ZNF618: variants seen among roughly 807,000 people sequenced by gnomAD.
ZNF618 encodes zinc finger protein 618.
A neutral mutation model predicts 103.0 loss-of-function variants in ZNF618; 34 were observed. That is an observed-to-expected ratio of 0.33 (90% CI 0.25 to 0.44). ZNF618 has a LOEUF of 0.44. Among genes scored for constraint, ZNF618 ranks in the 20% least tolerant of loss-of-function variants. The probability of loss-of-function intolerance (pLI) is 1.00; values close to 1 mark genes in which losing one functional copy is unlikely to be tolerated. For missense variants in ZNF618, 1,059 were observed against 1,295.4 expected (o/e 0.82, Z 2.80); for synonymous variants, 551 against 542.2 (o/e 1.02, Z -0.23).
At chr9:113,955,403 T>G (rs890757432) in intron 1 of ZNF618, among the ~76,000 whole-genome samples, 1 of 152,146 alleles carries the variant, frequency 6.6e-6, no homozygotes, top group Non-Finnish European at 1.5e-5. Flanking sequence ...TGTGCAGAAT[T>G]ACAATCTTTC....
chr9:113,988,722 A>G, intron 3 of ZNF618, 142 bp downstream of exon 3: 1 of 1,290,418 alleles, frequency 7.7e-7, no homozygotes, highest in Non-Finnish European at 1.0e-6. Context: ...TCAGGGAGAG[A>G]TCTCAGCTTC....
In ZNF618 at chr9:113,951,516, T is replaced by TATGTGTACACATATGTGTGTAC. The variant is rs1835716039; in HGVS notation, c.34-17599_34-17598insGTGTACACATATGTGTGTACAT. On this transcript the variant is annotated intron_variant, in intron 1 of 14. Transcript: ENST00000374126. ...GTGTATGTGTACACATATATGTGTG[T>TATGTGTACACATATGTGTGTAC]ATATGTACACATATGTGTGTACATA... Among the ~76,000 whole-genome samples, 11 of 83,274 alleles carry TATGTGTACACATATGTGTGTAC rather than the reference T, an allele frequency of 1.3e-4. 1 individual carries two copies. In the Admixed American group the frequency reaches 1.7e-3, roughly 13 times the overall value. 54.6% of individuals were successfully genotyped at this position (83,274 alleles called of 152,430 possible). A position where few individuals can be genotyped will look rare whatever the true frequency, so the allele number is the denominator to read the frequency against.
chr9:113,914,989 ATAT>A (rs1316597775), intron 1 of ZNF618, among the ~76,000 whole-genome samples: 1 of 152,170 alleles, frequency 6.6e-6, no homozygotes, highest in African/African-American at 2.4e-5. Context: ...GTTTTCTCTA[ATAT>A]TTTAAGGGCA....
intron 2 of ZNF618, among the ~76,000 whole-genome samples, chr9:113,979,131 T>C (rs986432785): frequency 6.6e-6 from 1 of 152,126 alleles, no homozygotes; most frequent in East Asian, 1.9e-4. Flanking sequence ...TCCAGAACCA[T>C]ATGGAATTAA....
intron 10 of ZNF618, among the ~76,000 whole-genome samples, chr9:114,025,944 G>A (rs548880130): frequency 1.3e-5 from 2 of 152,328 alleles, no homozygotes; most frequent in South Asian, 4.1e-4. Flanking sequence ...GGGCAAGGCT[G>A]GCAGAGTTCC....
intron 1 of ZNF618, among the ~76,000 whole-genome samples, chr9:113,963,842 T>C (rs1382569118): frequency 2.0e-5 from 3 of 152,172 alleles, no homozygotes; most frequent in Non-Finnish European, 4.4e-5. Flanking sequence ...ATGTGGCCTT[T>C]GGAGGAGGGG....
intron 3 of ZNF618, among the ~76,000 whole-genome samples, chr9:113,990,059 C>G (rs1839891160): frequency 6.6e-6 from 1 of 152,212 alleles, no homozygotes; most frequent in Non-Finnish European, 1.5e-5. Context: ...ACCTTTCATT[C>G]CAGTGTAGTC....
Position 114,022,167 on chromosome 9 carries a change from A to G in ZNF618, c.844+5383A>G, listed in dbSNP as rs137856680. ...AGATGGTTGTTTAACTTTTAACAAC[A>G]GCCATGTTGTTTTCCAAAGTAGTTG... On this transcript the variant is annotated intron_variant, in intron 10 of 14. Coordinates refer to ENST00000374126, the MANE Select transcript of ZNF618 (RefSeq NM_001318042.2). Among the ~76,000 whole-genome samples, 592 of 152,202 alleles carry G rather than the reference A, an allele frequency of 3.9e-3. 7 individuals carry two copies. The highest frequency in any genetic ancestry group is 3.7e-3 in the Non-Finnish European group (252 of 67,938).
At chr9:113,994,669 A>C (rs1163137087) in intron 3 of ZNF618, among the ~76,000 whole-genome samples, 1 of 152,224 alleles carries the variant, frequency 6.6e-6, no homozygotes, top group Non-Finnish European at 1.5e-5. Context: ...ATAGGTATGG[A>C]AGTGTTTTTA....
chr9:113,959,928 G>T (rs1355643271), intron 1 of ZNF618, among the ~76,000 whole-genome samples: 2 of 152,134 alleles, frequency 1.3e-5, no homozygotes, highest in Non-Finnish European at 2.9e-5. Context: ...TTTAAACGTC[G>T]TGACTCAGGC....
At position 114,050,316 on chromosome 9, in the gene ZNF618, ATGTGTG is replaced by A; in HGVS notation, c.*156_*161del. The stretch of plus-strand genomic sequence containing the variant: ...CTGGAAACTTAAGTGCTTTTTTTAT[ATGTGTG>A]TGTGTGCGTGTATGTACACAGCCAC... On this transcript the variant is annotated 3_prime_UTR_variant, in exon 15 of 15. Coordinates refer to ENST00000374126, the MANE Select transcript of ZNF618 (RefSeq NM_001318042.2). 4 of 919,932 alleles carry A rather than the reference ATGTGTG, an allele frequency of 4.3e-6. No homozygotes were observed. Among genetic ancestry groups the A allele is most frequent in the Non-Finnish European group, 6.4e-6 (4 of 629,546 alleles). 57.0% of individuals were successfully genotyped at this position (919,932 alleles called of 1,614,324 possible). A position where few individuals can be genotyped will look rare whatever the true frequency, so the allele number is the denominator to read the frequency against.
At chr9:114,040,683 G>A (rs1419682807) in intron 13 of ZNF618, among the ~76,000 whole-genome samples, 2 of 152,122 alleles carry the variant, frequency 1.3e-5, no homozygotes, top group South Asian at 2.1e-4. Flanking sequence ...TGGCTGCATA[G>A]TATTCCATGG....
Position 114,036,285 on chromosome 9 carries a change from C to A in ZNF618, c.1169-15C>A. The A allele has an allele frequency of 2.6e-6, 4 of 1,561,686 alleles. No homozygotes were observed. Among genetic ancestry groups the A allele is most frequent in the Non-Finnish European group, 3.5e-6 (4 of 1,152,446 alleles). On this transcript the variant is annotated splice_polypyrimidine_tract_variant and intron_variant, in intron 12 of 14. Transcript: ENST00000374126. ...GGTTCCACCCCTCACGTGGCTGCCG[C>A]ATTTCTCCCTCCAGAACCCTACACC...
intron 3 of ZNF618, among the ~76,000 whole-genome samples, chr9:113,992,167 G>A (rs1464147103): frequency 6.6e-6 from 1 of 152,180 alleles, no homozygotes; most frequent in Admixed American, 6.5e-5. Flanking sequence ...TCTCTGTTGA[G>A]GATTCTAAAG....
intron 2 of ZNF618, among the ~76,000 whole-genome samples, chr9:113,986,192 T>C (rs1424576475): frequency 6.6e-6 from 1 of 152,248 alleles, no homozygotes; most frequent in East Asian, 1.9e-4. Context: ...GATTAAAATC[T>C]GCATGACAAC....
chr9:113,920,403 C>T (rs1416911683), intron 1 of ZNF618, among the ~76,000 whole-genome samples: 1 of 114,500 alleles, frequency 8.7e-6, no homozygotes, highest in Non-Finnish European at 1.8e-5. Flanking sequence ...TTCAGAGTCA[C>T]AATTTTTTTT....
intron 1 of ZNF618, among the ~76,000 whole-genome samples, chr9:113,906,151 A>G (rs1444277001): frequency 1.3e-5 from 2 of 152,204 alleles, no homozygotes; most frequent in East Asian, 3.8e-4. Flanking sequence ...ATAGCATACC[A>G]GAAGAGGCAT....
Position 113,943,984 on chromosome 9 carries a change from C to G in ZNF618, c.34-25133C>G, listed in dbSNP as rs146610373. Among the ~76,000 whole-genome samples, 291 of 152,294 alleles carry G rather than the reference C, an allele frequency of 1.9e-3. 1 individual carries two copies. Among genetic ancestry groups the G allele is most frequent in the African/African-American group, 6.5e-3 (272 of 41,556 alleles). ...GGTTTCCTCGTTTTAATGCCTTTTCCTTCCTTACTAAATCTGGATGGGGAA... is the reference window on the plus strand; with the variant it reads ...GGTTTCCTCGTTTTAATGCCTTTTCGTTCCTTACTAAATCTGGATGGGGAA... On this transcript the variant is annotated intron_variant, in intron 1 of 14. Transcript: ENST00000374126.
chr9:113,951,538 C>CATATATGTGTAT (rs1280461751), intron 1 of ZNF618, among the ~76,000 whole-genome samples: 3 of 54,316 alleles, frequency 5.5e-5, no homozygotes, highest in Admixed American at 2.0e-4. Flanking sequence ...TATGTGTGTA[C>CATATATGTGTAT]ATATGTACAC....
Sources: gnomAD v4.1 joint callset for allele counts (sites outside exome capture counted in the v4.1 genomes callset) on GRCh38, gnomAD v4.1.1 for gene constraint, MANE v1.5 for transcripts, NCBI Gene and HGNC (gene_info 2026-07-23, HGNC 2026-07-21) for gene names.